The following PLXNA2 variants were observed in gnomAD, a reference collection of about 807,000 sequenced individuals.
The protein encoded by PLXNA2 is plexin-A2.
In PLXNA2, 91 loss-of-function variants were observed where a neutral mutation model predicts 193.5. That is an observed-to-expected ratio of 0.47 (90% CI 0.40 to 0.56). PLXNA2 has a LOEUF of 0.56. PLXNA2 is among the 20% of genes least tolerant of loss of function. PLXNA2 has a pLI of 0.00. For synonymous variants in PLXNA2, 997 were observed against 1,027.3 expected (o/e 0.97, Z 0.56); for missense variants, 1,995 against 2,503.2 (o/e 0.80, Z 4.33).
intron 12 of PLXNA2, among the ~76,000 whole-genome samples, chr1:208,069,660 T>C (rs1421143751): frequency 6.6e-6 from 1 of 151,828 alleles, no homozygotes; most frequent in Non-Finnish European, 1.5e-5. Context: ...CAGGGCAGGG[T>C]TGGGGCCAAC....
In PLXNA2 at chr1:208,099,077, G is replaced by A; in HGVS notation, c.1608-108C>T. 5 of 1,375,034 alleles carry A rather than the reference G, an allele frequency of 3.6e-6. No individual in the cohort carries two copies. The East Asian group carries it at 7.2e-5, about 20-fold the overall frequency. The allele number at this position is 1,375,034 out of a possible 1,614,324, so 85.2% of individuals were successfully genotyped here. ...TTTGCTGCCCTGAGGCCTGTGTCCT[G>A]TCTTCTCAAGAAGACTTTTACTGTA... On this transcript the variant is annotated intron_variant, in intron 5 of 31. Coordinates refer to ENST00000367033, the MANE Select transcript of PLXNA2 (RefSeq NM_025179.4).
At chr1:208,047,520 G>A (rs13375636) in intron 17 of PLXNA2, among the ~76,000 whole-genome samples, 3,215 of 152,308 alleles carry the variant, frequency 0.021, 51 homozygotes, top group Middle Eastern at 0.065. Flanking sequence ...AAGGGCCCAC[G>A]TGGGGCTTGG....
chr1:208,183,128 T>A (rs1244074823), intron 3 of PLXNA2, among the ~76,000 whole-genome samples: 2 of 152,002 alleles, frequency 1.3e-5, no homozygotes, highest in East Asian at 3.9e-4. Flanking sequence ...AGAACAAAGG[T>A]CACAGATGGA....
chr1:208,069,757 G>A (rs1271727701), intron 12 of PLXNA2, among the ~76,000 whole-genome samples: 1 of 152,214 alleles, frequency 6.6e-6, no homozygotes, highest in Non-Finnish European at 1.5e-5. Context: ...ATCTTCCTCT[G>A]GTTATATCTC....
chr1:208,077,402 G>A (rs1394732925), intron 12 of PLXNA2, among the ~76,000 whole-genome samples: 1 of 152,194 alleles, frequency 6.6e-6, no homozygotes, highest in African/African-American at 2.4e-5. Flanking sequence ...GAGCAGGGGC[G>A]GCTGAGGCAG....
At chr1:208,213,879 A>G (rs1272303110) in intron 2 of PLXNA2, among the ~76,000 whole-genome samples, 1 of 152,188 alleles carries the variant, frequency 6.6e-6, no homozygotes, top group Non-Finnish European at 1.5e-5. Flanking sequence ...CCTCTCTCCC[A>G]GTGCCTTTGC....
intron 12 of PLXNA2, among the ~76,000 whole-genome samples, chr1:208,070,740 G>GATT (rs771936401): frequency 1.3e-3 from 203 of 152,292 alleles, no homozygotes; most frequent in Non-Finnish European, 2.5e-3. Flanking sequence ...CTGTAAAATG[G>GATT]GTCTAATGAC....
chr1:208,199,556 T>C (rs1670472166), intron 3 of PLXNA2, among the ~76,000 whole-genome samples: 1 of 152,054 alleles, frequency 6.6e-6, no homozygotes, highest in African/African-American at 2.4e-5. Context: ...CTGGGCGTGG[T>C]GGCATGAGCC....
At chr1:208,140,929 C>T (rs1363411879) in intron 4 of PLXNA2, among the ~76,000 whole-genome samples, 2 of 152,120 alleles carry the variant, frequency 1.3e-5, no homozygotes, top group Admixed American at 1.3e-4. Context: ...AATATGTGCC[C>T]AGGAATAGTT....
At chr1:208,221,182 G>C (rs1041494460) in intron 1 of PLXNA2, among the ~76,000 whole-genome samples, 25 of 152,120 alleles carry the variant, frequency 1.6e-4, no homozygotes, top group African/African-American at 6.0e-4. Flanking sequence ...GACCAGTCTG[G>C]CATTTCCATG....
chr1:208,075,668 T>C (rs149708781), intron 12 of PLXNA2, among the ~76,000 whole-genome samples: 4 of 152,246 alleles, frequency 2.6e-5, no homozygotes, highest in African/African-American at 9.6e-5. Context: ...ACTTGTGTAC[T>C]GTGCCAAATG....
intron 5 of PLXNA2, among the ~76,000 whole-genome samples, chr1:208,102,850 AGTATCCCTT>A (rs1667139901): frequency 6.6e-6 from 1 of 152,220 alleles, no homozygotes. Flanking sequence ...TAAAGACTAC[AGTATCCCTT>A]GTGAGTTCTT....
At position 208,098,861 on chromosome 1, in the gene PLXNA2, A is replaced by G. The variant is rs894295095; in HGVS notation, c.1716T>C (p.Ser572=). The G allele has an allele frequency of 6.2e-7, 1 of 1,613,702 alleles. No individual in the cohort carries two copies. Among genetic ancestry groups the G allele is most frequent in the African/African-American group, 1.3e-5 (1 of 74,934 alleles). ...AGTTACTTACCAACCGGCTGTGCTC[A>G]GATACTGAGATGCTGCTGGGATGCA... ...LAVHPSSISV[S]EHSRLLSLVV... Residue 572 remains serine (S), a synonymous_variant, in exon 6 of 32, where the codon TCT becomes TCC. Transcript: ENST00000367033.
At chr1:208,187,627 G>A (rs1168664483) in intron 3 of PLXNA2, among the ~76,000 whole-genome samples, 1 of 152,198 alleles carries the variant, frequency 6.6e-6, no homozygotes, top group African/African-American at 2.4e-5. Context: ...AGTGCTATGC[G>A]AAGACGTCTG....
chr1:208,128,488 C>T (rs1238049501), intron 4 of PLXNA2, among the ~76,000 whole-genome samples: 1 of 146,840 alleles, frequency 6.8e-6, no homozygotes, highest in Non-Finnish European at 1.5e-5. Context: ...CCCCACTTTA[C>T]AGAAGACAAG....
At chr1:208,087,784 TGGA>T (rs990807315) in intron 9 of PLXNA2, among the ~76,000 whole-genome samples, 1 of 151,922 alleles carries the variant, frequency 6.6e-6, no homozygotes, top group Non-Finnish European at 1.5e-5. Flanking sequence ...TGAAAGTGGG[TGGA>T]GGAGACTGGA....
chr1:208,152,836 T>TCTTCACGCCTTTGCTTCACGCCTTTG (rs139360612), intron 3 of PLXNA2, among the ~76,000 whole-genome samples: 5 of 151,658 alleles, frequency 3.3e-5, no homozygotes, highest in African/African-American at 1.2e-4. Context: ...AGCTTTTTCG[T>TCTTCACGCCTTTGCTTCACGCCTTTG]CTTCACGCCT....
intron 4 of PLXNA2, among the ~76,000 whole-genome samples, chr1:208,115,084 T>C (rs929207230): frequency 2.6e-5 from 4 of 152,178 alleles, no homozygotes; most frequent in Admixed American, 1.3e-4. Context: ...CCAGTGCCTC[T>C]GTGTTGGTTT....
intron 28 of PLXNA2, among the ~76,000 whole-genome samples, chr1:208,032,848 C>T (rs2102302612): frequency 6.6e-6 from 1 of 152,226 alleles, no homozygotes; most frequent in African/African-American, 2.4e-5. Context: ...AGCAAGAAAC[C>T]CCACTGCCTT....
Sources: allele counts gnomAD v4.1 joint callset (sites outside exome capture counted in the v4.1 genomes callset), GRCh38; gene constraint gnomAD v4.1.1; transcripts MANE v1.5; gene names NCBI Gene and HGNC (gene_info 2026-07-23, HGNC 2026-07-21).